The following RAB13 variants were observed in gnomAD, a reference collection of about 807,000 sequenced individuals.
RAB13 encodes ras-related protein Rab-13.
In RAB13, 15 loss-of-function variants were observed where a neutral mutation model predicts 29.3. The ratio of observed to expected loss-of-function variants is 0.51; its 90% CI spans 0.34 to 0.79. The LOEUF is 0.79. RAB13 is among the 30% of genes least tolerant of loss of function. The pLI, the probability that RAB13 is intolerant of heterozygous loss-of-function variation, is 0.01. For missense variants in RAB13, 186 were observed against 255.5 expected (o/e 0.73, Z 1.85); for synonymous variants, 82 against 93.8 (o/e 0.87, Z 0.73).
At chr1:153,983,957 A>G (rs1241079146) in intron 2 of RAB13, among the ~76,000 whole-genome samples, 1 of 152,098 alleles carries the variant, frequency 6.6e-6, no homozygotes, top group Non-Finnish European at 1.5e-5. Context: ...CGGGTGGATC[A>G]CCTGAGGTCA....
chr1:153,986,059 C>T (rs1649157442), intron 1 of RAB13, 54 bp downstream of exon 1: 19 of 1,607,900 alleles, frequency 1.2e-5, no homozygotes, highest in Non-Finnish European at 1.6e-5. Context: ...ATCCGGGAGC[C>T]GGAGAAGGAG....
chr1:153,983,157 G>A (rs1320958577), intron 4 of RAB13, 62 bp downstream of exon 4: 19 of 1,421,956 alleles, frequency 1.3e-5, no homozygotes, highest in Non-Finnish European at 1.9e-5. Flanking sequence ...TGCCTATCCT[G>A]ATGGACCCCT....
Position 153,982,718 on chromosome 1 carries a change from C to T in RAB13, c.414+1G>A. 1 of 1,614,204 alleles carries T rather than the reference C, an allele frequency of 6.2e-7. No homozygotes were observed. The highest frequency in any genetic ancestry group is 8.5e-7 in the Non-Finnish European group (1 of 1,180,020). On this transcript the variant is annotated splice_donor_variant, in intron 5 of 7. Coordinates refer to ENST00000368575, the MANE Select transcript of RAB13 (RefSeq NM_002870.5). LOFTEE classifies it high-confidence loss of function. ...AGAACATTGCTCAGCCTGGCCCTCA[C>T]CTTATCGGCCTGCTCCTTCTGCACC...
At position 153,986,256 on chromosome 1, in the gene RAB13, G is replaced by A. The variant is rs746646933; in HGVS notation, c.-20C>T. 2 of 1,606,894 alleles carry A rather than the reference G, an allele frequency of 1.2e-6. No homozygotes were observed. Among genetic ancestry groups the A allele is most frequent in the Non-Finnish European group, 1.7e-6 (2 of 1,175,798 alleles). On this transcript the variant is annotated 5_prime_UTR_variant, in exon 1 of 8. Coordinates refer to ENST00000368575, the MANE Select transcript of RAB13 (RefSeq NM_002870.5). Reference sequence around the variant, plus strand: ...GGCCATGGCGGACACCGGGGGAGCCGGGGGAGGGGTGGGGAGCGCCCGGCA... The same window carrying A: ...GGCCATGGCGGACACCGGGGGAGCCAGGGGAGGGGTGGGGAGCGCCCGGCA...
chr1:153,985,378 G>T, intron 1 of RAB13: 1 of 983,036 alleles, frequency 1.0e-6, no homozygotes, highest in Non-Finnish European at 1.2e-6. Context: ...AGCCAGAGGA[G>T]ATGAAGAAAG....
upstream of RAB13, among the ~76,000 whole-genome samples, chr1:153,989,230 CAAAGAAA>C: frequency 7.3e-6 from 1 of 137,764 alleles, no homozygotes. Flanking sequence ...CCGCGACCGG[CAAAGAAA>C]AAATTATTAT....
In RAB13 at chr1:153,985,441, T is replaced by TC. The variant is rs1259209711; in HGVS notation, c.125-661dup. 3.2e-6 allele frequency: 3 copies of TC among 930,188 alleles called. No homozygotes were observed. In the East Asian group the frequency reaches 3.5e-4, roughly 109 times the overall value. 57.6% of individuals were successfully genotyped at this position (930,188 alleles called of 1,614,324 possible). A position where few individuals can be genotyped will look rare whatever the true frequency, so the allele number is the denominator to read the frequency against. On this transcript the variant is annotated intron_variant, in intron 1 of 7. Coordinates refer to ENST00000368575, the MANE Select transcript of RAB13 (RefSeq NM_002870.5). ...TCTTCTTAGTAGAAACTTGGGCACC[T>TC]CCCCCAAGCCTGCTGGGGGCCCCTG...
chr1:153,984,980 G>C (rs953797661), intron 1 of RAB13, 199 bp from the exon 2 acceptor site: 2 of 1,300,648 alleles, frequency 1.5e-6, no homozygotes, highest in Non-Finnish European at 1.9e-6. Flanking sequence ...CTATTTTTAC[G>C]TACATTTTAT....
At position 153,982,171 on chromosome 1, in the gene RAB13, G is replaced by A. The variant is rs200374379; in HGVS notation, c.540C>T (p.Asn180=). ...GGTCAGTACTGGGAGGCTTGTTGCC[G>A]TTTCCCTAGAGGGAGAAGGGCACAG... is the stretch of plus-strand genomic sequence containing the variant. ...LLKSGGRRSG[N]GNKPPSTDLK... Residue 180 remains asparagine, a synonymous_variant, in exon 8 of 8, where the codon AAC becomes AAT. Transcript: ENST00000368575. 31 of 1,613,534 alleles carry A rather than the reference G, an allele frequency of 1.9e-5. No individual in the cohort carries two copies. Among genetic ancestry groups the A allele is most frequent in the South Asian group, 3.3e-5 (3 of 91,074 alleles).
At chr1:153,989,244 T>C (rs1649278044), upstream of RAB13, among the ~76,000 whole-genome samples, 1 of 141,144 alleles carries the variant, frequency 7.1e-6, no homozygotes. Flanking sequence ...GAAAAAATTA[T>C]TATTATTATT....
rs868094915 is a variant in RAB13 at position 153,981,893 on chromosome 1, T to A, written c.*206A>T. ...TCCTACCTCCTTGCCTTCTTTCACT[T>A]CCTCAATTCATTCCTCTCCCTTCTC... On this transcript the variant is annotated 3_prime_UTR_variant, in exon 8 of 8. Coordinates refer to ENST00000368575, the MANE Select transcript of RAB13 (RefSeq NM_002870.5). 1 of 598,258 alleles carries A rather than the reference T, an allele frequency of 1.7e-6. No individual in the cohort carries two copies. 37.1% of individuals were successfully genotyped at this position (598,258 alleles called of 1,614,324 possible).
intron 1 of RAB13, chr1:153,985,871 A>C: frequency 6.4e-5 from 31 of 484,804 alleles, no homozygotes; most frequent in Non-Finnish European, 8.7e-5. Context: ...GACTAAGGCG[A>C]TGGTACCAAG....
At chr1:153,989,649 T>TA (rs1649293821), upstream of RAB13, among the ~76,000 whole-genome samples, 1 of 151,762 alleles carries the variant, frequency 6.6e-6, no homozygotes, top group Non-Finnish European at 1.5e-5. Flanking sequence ...TCTCAGCACT[T>TA]TGGGAGACCG....
chr1:153,981,802 T>C lies in RAB13; in HGVS notation c.*297A>G, dbSNP rs1648980062. ...AAATCAGTGTATTTACATTTATGTT[T>C]GCCCTGAAAACCCAGGTAAGGTCTG... On this transcript the variant is annotated 3_prime_UTR_variant, in exon 8 of 8. Transcript: ENST00000368575. 1 of 491,358 alleles carries C rather than the reference T, an allele frequency of 2.0e-6. No individual in the cohort carries two copies. Among genetic ancestry groups the C allele is most frequent in the African/African-American group, 1.9e-5 (1 of 51,786 alleles). The allele number at this position is 491,358 out of a possible 1,614,324, so 30.4% of individuals were successfully genotyped here. A position where few individuals can be genotyped will look rare whatever the true frequency, so the allele number is the denominator to read the frequency against.
At chr1:153,989,765 G>A (rs1424301501), upstream of RAB13, among the ~76,000 whole-genome samples, 1 of 151,686 alleles carries the variant, frequency 6.6e-6, no homozygotes, top group African/African-American at 2.4e-5. Flanking sequence ...GGTGCCGCAT[G>A]CCTGTAATCC....
upstream of RAB13, among the ~76,000 whole-genome samples, chr1:153,988,471 T>G (rs1413188047): frequency 1.4e-5 from 2 of 147,722 alleles, no homozygotes; most frequent in African/African-American, 2.4e-5. Flanking sequence ...TTTTGTATTT[T>G]AGGGAGAGAC....
Position 153,982,117 on chromosome 1 carries a change from G to A in RAB13, c.594C>T (p.Asn198=). ...AGGGTCCTCAGCCCAGGGAGCACTTGTTGGTGTTCTTCTTGTCACAAGTTT... is the reference window on the plus strand; with the variant it reads ...AGGGTCCTCAGCCCAGGGAGCACTTATTGGTGTTCTTCTTGTCACAAGTTT... ...DLKTCDKKNT[N]KCSLG is the part of the protein sequence containing the mutation. Residue 198 remains asparagine, a synonymous_variant, in exon 8 of 8, where the codon AAC becomes AAT. Transcript: ENST00000368575. The A allele has an allele frequency of 6.2e-7, 1 of 1,613,824 alleles. No homozygotes were observed. The highest frequency in any genetic ancestry group is 8.5e-7 in the Non-Finnish European group (1 of 1,180,006).
At chr1:153,990,127 G>A (rs1649311086), upstream of RAB13, among the ~76,000 whole-genome samples, 1 of 152,050 alleles carries the variant, frequency 6.6e-6, no homozygotes, top group Non-Finnish European at 1.5e-5. Flanking sequence ...CCAGGCTGGA[G>A]TGGATCTCGG....
intron 1 of RAB13, chr1:153,985,212 G>A: frequency 2.0e-6 from 2 of 988,652 alleles, no homozygotes; most frequent in Non-Finnish European, 2.4e-6. Context: ...AAAAGTAGCT[G>A]AAGCCAGTCT....
Sources: allele counts gnomAD v4.1 joint callset (sites outside exome capture counted in the v4.1 genomes callset), GRCh38; gene constraint gnomAD v4.1.1; transcripts MANE v1.5; gene names NCBI Gene and HGNC (gene_info 2026-07-23, HGNC 2026-07-21).